Variants in TMEM178A observed in about 807,000 individuals in gnomAD.
The protein encoded by TMEM178A is transmembrane protein 178.
TMEM178A carries 12 observed loss-of-function variants against 29.1 expected under a neutral mutation model. The ratio of observed to expected loss-of-function variants is 0.41; its 90% CI spans 0.26 to 0.67. TMEM178A has a LOEUF of 0.67. Among genes scored for constraint, TMEM178A ranks in the 30% least tolerant of loss-of-function variants. The pLI, the probability that TMEM178A is intolerant of heterozygous loss-of-function variation, is 0.29. For missense variants in TMEM178A, 366 were observed against 419.1 expected (o/e 0.87, Z 1.11); for synonymous variants, 210 against 187.2 (o/e 1.12, Z -0.99).
intron 1 of TMEM178A, among the ~76,000 whole-genome samples, chr2:39,689,361 A>T (rs959012431): frequency 6.6e-6 from 1 of 152,138 alleles, no homozygotes; most frequent in African/African-American, 2.4e-5. Context: ...CATTTCAGAG[A>T]TCTAGTTTAG....
intron 1 of TMEM178A, among the ~76,000 whole-genome samples, chr2:39,692,657 A>G (rs1671373637): frequency 6.6e-6 from 1 of 152,168 alleles, no homozygotes; most frequent in South Asian, 2.1e-4. Context: ...GAGTAGATGG[A>G]CATTAACATT....
chr2:39,691,002 G>T (rs965062512), intron 1 of TMEM178A, among the ~76,000 whole-genome samples: 2 of 152,112 alleles, frequency 1.3e-5, no homozygotes, highest in African/African-American at 4.8e-5. Context: ...CAGTGAACTT[G>T]AAAACAGGTC....
At chr2:39,697,172 G>A (rs1225540927) in intron 1 of TMEM178A, among the ~76,000 whole-genome samples, 1 of 152,168 alleles carries the variant, frequency 6.6e-6, no homozygotes. Context: ...ATATGTGCTT[G>A]TCTTTTTATC....
intron 1 of TMEM178A, among the ~76,000 whole-genome samples, chr2:39,679,662 G>A (rs1364419827): frequency 6.6e-6 from 1 of 152,110 alleles, no homozygotes; most frequent in Non-Finnish European, 1.5e-5. Context: ...TAGTAGGGCA[G>A]TTTTCAGAAG....
At chr2:39,677,946 C>A (rs1670698405) in intron 1 of TMEM178A, among the ~76,000 whole-genome samples, 1 of 150,894 alleles carries the variant, frequency 6.6e-6, no homozygotes, top group Non-Finnish European at 1.5e-5. Context: ...TGCATGCCAA[C>A]TTGTAGGTTC....
chr2:39,720,354 C>T (rs188250730), downstream of TMEM178A, among the ~76,000 whole-genome samples: 60 of 152,242 alleles, frequency 3.9e-4, no homozygotes, highest in Non-Finnish European at 6.0e-4. Context: ...TGGGGGCCCA[C>T]GAGCTCAAAA....
intron 3 of TMEM178A, 74 bp from the exon 4 acceptor site, chr2:39,716,936 A>T: frequency 6.6e-7 from 1 of 1,511,146 alleles, no homozygotes; most frequent in Non-Finnish European, 8.9e-7. Context: ...GATTTTCATA[A>T]AGGCCTGTCT....
chr2:39,714,840 A>G (rs1672466943), intron 3 of TMEM178A, among the ~76,000 whole-genome samples: 1 of 152,226 alleles, frequency 6.6e-6, no homozygotes, highest in Non-Finnish European at 1.5e-5. Flanking sequence ...TATATACAGA[A>G]AGATAGATAC....
rs2148121352 is a variant in TMEM178A at position 39,717,007 on chromosome 2, T to C, written c.653-3T>C. The C allele has an allele frequency of 1.2e-6, 2 of 1,610,358 alleles. No individual in the cohort carries two copies. The highest frequency in any genetic ancestry group is 1.1e-5 in the South Asian group (1 of 90,706). On this transcript the variant is annotated splice_region_variant and splice_polypyrimidine_tract_variant and intron_variant, in intron 3 of 3. Coordinates refer to ENST00000281961, the MANE Select transcript of TMEM178A (RefSeq NM_152390.3). ...CATTCTGTTCTCTTTGTATTATTTA[T>C]AGGGATATTTTGCACCATTTCCCTC...
intron 1 of TMEM178A, among the ~76,000 whole-genome samples, chr2:39,686,249 TGAGGAGTGGC>T (rs1671071696): frequency 6.6e-6 from 1 of 152,118 alleles, no homozygotes; most frequent in Admixed American, 6.5e-5. Context: ...TAGTTACCCT[TGAGGAGTGGC>T]GAGGACTGTG....
intron 1 of TMEM178A, among the ~76,000 whole-genome samples, chr2:39,691,853 T>A (rs1671330600): frequency 6.6e-6 from 1 of 151,686 alleles, no homozygotes; most frequent in African/African-American, 2.4e-5. Context: ...CATCTGTAGA[T>A]GGACCTTTAG....
downstream of TMEM178A, among the ~76,000 whole-genome samples, chr2:39,721,922 T>C (rs1435903644): frequency 1.5e-5 from 2 of 135,940 alleles, no homozygotes; most frequent in African/African-American, 5.6e-5. Context: ...GTCTAGAAGC[T>C]ATTGAGCTAT....
At chr2:39,730,313 CTT>C in the TMEM178A span, among the ~76,000 whole-genome samples, 44 of 152,134 alleles carry the variant, frequency 2.9e-4, 1 homozygote, top group African/African-American at 9.9e-4. Context: ...GGGGGCACCT[CTT>C]TTCTCAGAAA....
At chr2:39,706,258 T>G (rs1672029958) in intron 2 of TMEM178A, among the ~76,000 whole-genome samples, 1 of 152,134 alleles carries the variant, frequency 6.6e-6, no homozygotes, top group Non-Finnish European at 1.5e-5. Flanking sequence ...GGCCACTGTA[T>G]AGTGGAGATT....
chr2:39,679,978 C>G (rs948069566), intron 1 of TMEM178A, among the ~76,000 whole-genome samples: 1 of 152,100 alleles, frequency 6.6e-6, no homozygotes, highest in African/African-American at 2.4e-5. Context: ...TCAGGCTCTT[C>G]AAGCAGAGGT....
At chr2:39,681,332 G>GCCA (rs1272094952) in intron 1 of TMEM178A, among the ~76,000 whole-genome samples, 1 of 152,218 alleles carries the variant, frequency 6.6e-6, no homozygotes, top group African/African-American at 2.4e-5. Context: ...CATTGAAAGA[G>GCCA]CCACAGTGTG....
chr2:39,701,300 A>G (rs1353378970), intron 1 of TMEM178A, among the ~76,000 whole-genome samples: 1 of 152,082 alleles, frequency 6.6e-6, no homozygotes, highest in African/African-American at 2.4e-5. Flanking sequence ...TAATTTCTGA[A>G]GGATAACTTT....
Position 39,665,949 on chromosome 2 carries a change from C to T in TMEM178A, c.-26C>T. 1.5e-6 allele frequency: 2 copies of T among 1,340,758 alleles called. No individual in the cohort carries two copies. The highest frequency in any genetic ancestry group is 1.9e-6 in the Non-Finnish European group (2 of 1,048,704). 83.1% of individuals were successfully genotyped at this position (1,340,758 alleles called of 1,614,324 possible). A position where few individuals can be genotyped will look rare whatever the true frequency, so the allele number is the denominator to read the frequency against. ...GTCTGGCGGCGGCGCGCGAGCCCACCGGCGGCTGCGGCGGGGCGGGAAGCC... is the reference window on the plus strand; with the variant it reads ...GTCTGGCGGCGGCGCGCGAGCCCACTGGCGGCTGCGGCGGGGCGGGAAGCC... On this transcript the variant is annotated 5_prime_UTR_variant, in exon 1 of 4. Transcript: ENST00000281961.
the TMEM178A span, among the ~76,000 whole-genome samples, chr2:39,733,407 T>G: frequency 2.6e-5 from 4 of 152,190 alleles, no homozygotes; most frequent in South Asian, 2.1e-4. Flanking sequence ...ATGGAATGAG[T>G]TGAACGAACA....
Sources: allele counts gnomAD v4.1 joint callset (sites outside exome capture counted in the v4.1 genomes callset), GRCh38; gene constraint gnomAD v4.1.1; transcripts MANE v1.5; gene names NCBI Gene and HGNC (gene_info 2026-07-23, HGNC 2026-07-21).